The following MYO3B variants were observed in gnomAD, a reference collection of about 807,000 sequenced individuals.
The protein encoded by MYO3B is myosin IIIB, also known as myosin-IIIb.
A neutral mutation model predicts 174.6 loss-of-function variants in MYO3B; 156 were observed. That is an observed-to-expected ratio of 0.89 (90% CI 0.78 to 1.02). The LOEUF is 1.02. MYO3B is among the 50% of genes least tolerant of loss of function. The pLI is 0.00. For missense variants in MYO3B, 1,632 were observed against 1,639.4 expected, an observed-to-expected ratio of 1.00 and a Z score of 0.08; for synonymous variants, 563 against 569.1, an observed-to-expected ratio of 0.99 and a Z score of 0.15.
chr2:170,214,437 G>C lies in MYO3B; in HGVS notation c.380G>C (p.Arg127Pro). Reference protein sequence around the residue: ...LVKGLLRCGQRLDEAMISYIL... With the variant: ...LVKGLLRCGQPLDEAMISYIL... ...AAAGGTCTACTCAGATGTGGCCAGC[G>C]GTTGGATGAAGCAATGATCTCATAC... is the stretch of plus-strand genomic sequence containing the variant. Residue 127 changes from arginine to proline, a missense_variant, in exon 4 of 35, where the codon CGG (arginine) becomes CCG (proline). Arg to Pro is a moderately radical substitution (Grantham distance 103). Coordinates refer to ENST00000408978, the MANE Select transcript of MYO3B (RefSeq NM_138995.5). 1 of 1,614,180 alleles carries C rather than the reference G, an allele frequency of 6.2e-7. No homozygotes were observed. The highest frequency in any genetic ancestry group is 8.5e-7 in the Non-Finnish European group (1 of 1,180,012).
intron 21 of MYO3B, among the ~76,000 whole-genome samples, chr2:170,406,064 A>C (rs1274040336): frequency 6.6e-6 from 1 of 152,130 alleles, no homozygotes; most frequent in Non-Finnish European, 1.5e-5. Flanking sequence ...CCAGATGAAA[A>C]GAAAAAAAAA....
chr2:170,594,323 C>T (rs1451798466), intron 32 of MYO3B, among the ~76,000 whole-genome samples: 1 of 152,072 alleles, frequency 6.6e-6, no homozygotes, highest in Non-Finnish European at 1.5e-5. Context: ...ATCGTCAGTG[C>T]ATGGCGAAGC....
At chr2:170,573,786 C>T (rs2106284583) in intron 32 of MYO3B, among the ~76,000 whole-genome samples, 1 of 152,202 alleles carries the variant, frequency 6.6e-6, no homozygotes, top group Non-Finnish European at 1.5e-5. Flanking sequence ...ATAAATAGGA[C>T]ATATAAGTGA....
intron 1 of MYO3B, among the ~76,000 whole-genome samples, chr2:170,186,531 T>C (rs2092465802): frequency 6.6e-6 from 1 of 152,248 alleles, no homozygotes; most frequent in Non-Finnish European, 1.5e-5. Flanking sequence ...TGCTAATATT[T>C]TGTTGAAGAG....
chr2:170,428,606 C>T (rs1313993510), intron 22 of MYO3B, among the ~76,000 whole-genome samples: 1 of 152,202 alleles, frequency 6.6e-6, no homozygotes, highest in African/African-American at 2.4e-5. Context: ...GTAAAGCTCA[C>T]ACATGTCCTG....
intron 32 of MYO3B, among the ~76,000 whole-genome samples, chr2:170,585,381 A>T (rs970893432): frequency 6.6e-6 from 1 of 152,106 alleles, no homozygotes; most frequent in Admixed American, 6.5e-5. Context: ...GGACCCAAAA[A>T]AAGTATCAGT....
chr2:170,287,552 A>G (rs980940881), intron 7 of MYO3B, among the ~76,000 whole-genome samples: 1 of 151,870 alleles, frequency 6.6e-6, no homozygotes, highest in Non-Finnish European at 1.5e-5. Context: ...GTCTCTTCAT[A>G]TGTTTTCTCC....
At chr2:170,306,974 A>G (rs950700513) in intron 7 of MYO3B, among the ~76,000 whole-genome samples, 2 of 152,148 alleles carry the variant, frequency 1.3e-5, no homozygotes, top group Non-Finnish European at 2.9e-5. Context: ...TTTTTTTAAC[A>G]CTTTTTATTC....
intron 22 of MYO3B, among the ~76,000 whole-genome samples, chr2:170,421,389 T>C (rs2094613559): frequency 2.0e-5 from 3 of 152,180 alleles, no homozygotes; most frequent in Admixed American, 2.0e-4. Flanking sequence ...CCTTCTTGGA[T>C]TGGGCGGAGT....
At chr2:170,241,425 G>A (rs574178564) in intron 7 of MYO3B, among the ~76,000 whole-genome samples, 19 of 152,290 alleles carry the variant, frequency 1.2e-4, no homozygotes, top group African/African-American at 4.6e-4. Context: ...GAGCTTTGGA[G>A]CACAATCCAC....
At chr2:170,514,824 G>T in intron 28 of MYO3B, 97 bp from the exon 29 acceptor site, 1 of 982,672 alleles carries the variant, frequency 1.0e-6, no homozygotes, top group Non-Finnish European at 1.5e-6. Flanking sequence ...CGTAAGAAAA[G>T]TGTGGATTTT....
chr2:170,547,059 C>T (rs1315960373), intron 32 of MYO3B, among the ~76,000 whole-genome samples: 1 of 152,006 alleles, frequency 6.6e-6, no homozygotes, highest in Non-Finnish European at 1.5e-5. Flanking sequence ...GTGGCTCACG[C>T]CTGTAATCCC....
intron 25 of MYO3B, among the ~76,000 whole-genome samples, chr2:170,476,605 C>T (rs962580641): frequency 6.6e-6 from 1 of 151,984 alleles, no homozygotes; most frequent in Non-Finnish European, 1.5e-5. Flanking sequence ...TTCAGATACT[C>T]CTTCTATTCT....
chr2:170,649,334 T>C (rs1214009308), intron 32 of MYO3B, among the ~76,000 whole-genome samples: 1 of 93,482 alleles, frequency 1.1e-5, no homozygotes, highest in African/African-American at 4.9e-5. Context: ...ATATAATATA[T>C]ATTATATATA....
At chr2:170,599,454 T>G (rs1323998693) in intron 32 of MYO3B, among the ~76,000 whole-genome samples, 1 of 152,192 alleles carries the variant, frequency 6.6e-6, no homozygotes, top group Non-Finnish European at 1.5e-5. Flanking sequence ...TATTTATCAT[T>G]TGTTTGTTTT....
chr2:170,595,541 C>A lies in MYO3B; in HGVS notation c.3733+51553C>A, dbSNP rs185121494. ...GCAGCCTTGAACCCCCAGATTCAAG[C>A]AATCCTCCCACTTCAGCCTCCTGAG... On this transcript the variant is annotated intron_variant, in intron 32 of 34. Coordinates refer to ENST00000408978, the MANE Select transcript of MYO3B (RefSeq NM_138995.5). Among the ~76,000 whole-genome samples, 4 of 152,248 alleles carry A rather than the reference C, an allele frequency of 2.6e-5. No homozygotes were observed. The East Asian group carries it at 7.7e-4, about 29-fold the overall frequency.
Position 170,463,376 on chromosome 2 carries a change from T to C in MYO3B, c.2739T>C (p.Thr913=). The change falls in exon 24 of 35, where the codon ACT becomes ACC. Residue 913 remains threonine (T), a synonymous_variant. Coordinates refer to ENST00000408978, the MANE Select transcript of MYO3B (RefSeq NM_138995.5). ...TCCACCTATGCTTCCAGGTGGACAC[T>C]CTGGAGGTGATACGGCATCCGGAAG... ...HFSAGKAKVD[T]LEVIRHPEET... 1 of 1,613,668 alleles carries C rather than the reference T, an allele frequency of 6.2e-7. No homozygotes were observed. The highest frequency in any genetic ancestry group is 8.5e-7 in the Non-Finnish European group (1 of 1,179,948).
intron 7 of MYO3B, among the ~76,000 whole-genome samples, chr2:170,327,307 C>T (rs1004384080): frequency 3.3e-5 from 5 of 152,218 alleles, no homozygotes; most frequent in African/African-American, 1.2e-4. Context: ...ATCGCTTGAA[C>T]CCAGGAGATG....
chr2:170,523,881 T>C (rs1162698785), intron 30 of MYO3B, among the ~76,000 whole-genome samples: 1 of 152,076 alleles, frequency 6.6e-6, no homozygotes, highest in African/African-American at 2.4e-5. Flanking sequence ...TGGCCAGAAT[T>C]TGCAGTGGTG....
Sources: gnomAD v4.1 joint callset for allele counts (sites outside exome capture counted in the v4.1 genomes callset) on GRCh38, gnomAD v4.1.1 for gene constraint, MANE v1.5 for transcripts, NCBI Gene and HGNC (gene_info 2026-07-23, HGNC 2026-07-21) for gene names.